The following NCKAP5 variants were observed in gnomAD, a reference collection of about 807,000 sequenced individuals.
NCKAP5 encodes the protein nck-associated protein 5.
Under a neutral mutation model 167.0 loss-of-function variants are expected in NCKAP5, and 92 were observed. The ratio of observed to expected loss-of-function variants is 0.55; its 90% CI spans 0.47 to 0.66. The LOEUF (loss-of-function observed/expected upper bound fraction) is 0.66, where lower values mean the gene tolerates loss of function less well. Among genes scored for constraint, NCKAP5 ranks in the 30% least tolerant of loss-of-function variants. The pLI, the probability that NCKAP5 is intolerant of heterozygous loss-of-function variation, is 0.00. For missense variants in NCKAP5, 2,378 were observed against 2,315.0 expected, an observed-to-expected ratio of 1.03 and a Z score of -0.56; for synonymous variants, 891 against 877.4, an observed-to-expected ratio of 1.02 and a Z score of -0.27.
At chr2:133,043,330 G>T (rs2079277062) in intron 6 of NCKAP5, among the ~76,000 whole-genome samples, 1 of 152,044 alleles carries the variant, frequency 6.6e-6, no homozygotes, top group Non-Finnish European at 1.5e-5. Flanking sequence ...TATGCATAGG[G>T]TCAAACATGT....
chr2:133,584,084 C>A, the NCKAP5 span, among the ~76,000 whole-genome samples: 2 of 152,224 alleles, frequency 1.3e-5, no homozygotes, highest in African/African-American at 4.8e-5. Flanking sequence ...GAATTATTTT[C>A]ATATATTTTC....
chr2:133,428,085 G>A (rs754664885), intron 3 of NCKAP5, among the ~76,000 whole-genome samples: 1 of 151,998 alleles, frequency 6.6e-6, no homozygotes, highest in African/African-American at 2.4e-5. Flanking sequence ...GATTATTTTT[G>A]AAAGAACGGG....
At chr2:133,314,298 G>C (rs535230057) in intron 3 of NCKAP5, among the ~76,000 whole-genome samples, 8 of 152,062 alleles carry the variant, frequency 5.3e-5, no homozygotes, top group African/African-American at 1.7e-4. Flanking sequence ...ATTGGGTTAC[G>C]GCATCAAGTA....
intron 11 of NCKAP5, among the ~76,000 whole-genome samples, chr2:132,849,926 G>C (rs1274544902): frequency 2.0e-5 from 3 of 152,164 alleles, no homozygotes; most frequent in African/African-American, 7.2e-5. Flanking sequence ...CCATGGCGTA[G>C]TAGAAAGGGT....
chr2:133,518,343 G>GTTTTT (rs1684184045), intron 2 of NCKAP5, among the ~76,000 whole-genome samples: 2 of 66,220 alleles, frequency 3.0e-5, no homozygotes, highest in Non-Finnish European at 6.2e-5. Context: ...TACAGTAAAG[G>GTTTTT]ATTTTTTTTT....
the NCKAP5 span, among the ~76,000 whole-genome samples, chr2:133,610,630 G>A: frequency 6.6e-6 from 1 of 152,108 alleles, no homozygotes; most frequent in African/African-American, 2.4e-5. Context: ...TTTTCTTCAA[G>A]TGAAAAATGA....
intron 2 of NCKAP5, among the ~76,000 whole-genome samples, chr2:133,539,206 C>G (rs12988662): frequency 0.12 from 18,071 of 152,022 alleles, 1,414 homozygotes; most frequent in Non-Finnish European, 0.17. Flanking sequence ...TCCCAAAGTG[C>G]TGGAATTACA....
At chr2:133,067,059 G>A (rs950158206) in intron 6 of NCKAP5, among the ~76,000 whole-genome samples, 2 of 152,030 alleles carry the variant, frequency 1.3e-5, no homozygotes, top group African/African-American at 4.8e-5. Context: ...TAGAGACGGG[G>A]TTTCACCATG....
intron 8 of NCKAP5, among the ~76,000 whole-genome samples, chr2:132,888,170 A>G (rs1692402224): frequency 2.6e-5 from 4 of 152,276 alleles, no homozygotes; most frequent in Admixed American, 2.0e-4. Flanking sequence ...ATGAAAATTC[A>G]GTTTGATATT....
chr2:133,151,867 T>G (rs1248388752), intron 5 of NCKAP5, among the ~76,000 whole-genome samples: 1 of 152,126 alleles, frequency 6.6e-6, no homozygotes, highest in Non-Finnish European at 1.5e-5. Context: ...CTCAGGAGGT[T>G]GAGGTGGGGG....
rs187291335 is a variant in NCKAP5, at chr2:132,843,658, C to T, written c.807+16834G>A. On this transcript the variant is annotated intron_variant, in intron 11 of 19. Coordinates refer to ENST00000409261, the MANE Select transcript of NCKAP5 (RefSeq NM_207363.3). ...GGCAATCTCCAATGGCTTTTGACTA[C>T]TTTCTAATCCTATTTCTCTTTTTAC... 2.4e-3 allele frequency among the ~76,000 whole-genome samples: 366 copies of T among 151,938 alleles called. 2 individuals are homozygous for T. Among genetic ancestry groups the T allele is most frequent in the Admixed American group, 0.023 (347 of 15,242 alleles).
rs1027945278 is a variant in NCKAP5 at position 133,472,570 on chromosome 2, C to T, written c.69+44888G>A. ...ACAAGCCTCCTTCCACACGTCTCTT[C>T]GGCCCTTAGTAAGCTCATCTACTAT... On this transcript the variant is annotated intron_variant, in intron 3 of 19. Transcript: ENST00000409261. 6.6e-5 allele frequency among the ~76,000 whole-genome samples: 10 copies of T among 152,064 alleles called. 1 individual carries two copies. Among genetic ancestry groups the T allele is most frequent in the Admixed American group, 5.2e-4 (8 of 15,256 alleles).
At chr2:133,515,854 T>A (rs1243241585) in intron 3 of NCKAP5, among the ~76,000 whole-genome samples, 1 of 152,248 alleles carries the variant, frequency 6.6e-6, no homozygotes, top group Non-Finnish European at 1.5e-5. Flanking sequence ...GGGCTCTGCC[T>A]TCTTCTATTT....
intron 3 of NCKAP5, among the ~76,000 whole-genome samples, chr2:133,445,011 T>TC (rs1691107354): frequency 1.3e-5 from 2 of 152,340 alleles, no homozygotes; most frequent in African/African-American, 4.8e-5. Flanking sequence ...TTTGTTAATT[T>TC]CACCTGAGGA....
chr2:132,739,350 C>T (rs1389362340), intron 16 of NCKAP5, among the ~76,000 whole-genome samples: 1 of 152,132 alleles, frequency 6.6e-6, no homozygotes, highest in Non-Finnish European at 1.5e-5. Flanking sequence ...GGAAACCTGA[C>T]TTTAGTTCTA....
chr2:133,103,079 C>T (rs1012227567), intron 6 of NCKAP5, among the ~76,000 whole-genome samples: 2 of 152,044 alleles, frequency 1.3e-5, no homozygotes, highest in African/African-American at 4.8e-5. Context: ...TTCATTTTTC[C>T]CAGTGAGAAA....
At chr2:133,653,150 G>T in the NCKAP5 span, among the ~76,000 whole-genome samples, 1 of 152,146 alleles carries the variant, frequency 6.6e-6, no homozygotes, top group Non-Finnish European at 1.5e-5. Flanking sequence ...CTAGTTTGAA[G>T]GCTTTTAAGT....
At chr2:132,728,998 C>T in intron 17 of NCKAP5, 46 bp from the exon 18 acceptor site, 1 of 1,604,786 alleles carries the variant, frequency 6.2e-7, no homozygotes, top group Non-Finnish European at 8.5e-7. Context: ...CTTTCATCAA[C>T]ATTTTACAAG....
intron 3 of NCKAP5, among the ~76,000 whole-genome samples, chr2:133,434,248 T>C (rs1307693756): frequency 1.3e-5 from 2 of 152,214 alleles, no homozygotes; most frequent in Admixed American, 6.5e-5. Flanking sequence ...GATAGCAACA[T>C]AAAGGTTACT....
Sources: allele counts gnomAD v4.1 joint callset (sites outside exome capture counted in the v4.1 genomes callset), GRCh38; gene constraint gnomAD v4.1.1; transcripts MANE v1.5; gene names NCBI Gene and HGNC (gene_info 2026-07-23, HGNC 2026-07-21).